Variants in DTWD2 observed in about 807,000 individuals in gnomAD.
DTWD2 encodes the protein DTW motif tRNA-uridine aminocarboxypropyltransferase 2.
In DTWD2, 39 loss-of-function variants were observed where a neutral mutation model predicts 31.8. That is an observed-to-expected ratio of 1.22 (90% CI 0.95 to 1.60). The LOEUF is 1.60. Ranked by LOEUF, DTWD2 falls within the 40% of genes most tolerant of loss-of-function variation. The pLI is 0.00. For synonymous variants in DTWD2, 180 were observed against 142.8 expected (o/e 1.26, Z -1.86); for missense variants, 515 against 381.5 (o/e 1.35, Z -2.92).
intron 4 of DTWD2, among the ~76,000 whole-genome samples, chr5:118,906,762 T>C (rs377664896): frequency 5.7e-4 from 87 of 152,314 alleles, no homozygotes; most frequent in African/African-American, 2.1e-3. Context: ...CTTCATTATC[T>C]TGATTGCATT....
chr5:118,934,809 A>G (rs1360934653), intron 3 of DTWD2, among the ~76,000 whole-genome samples: 1 of 152,164 alleles, frequency 6.6e-6, no homozygotes, highest in African/African-American at 2.4e-5. Flanking sequence ...AAAAACCAAG[A>G]CCCATACCAT....
intron 4 of DTWD2, among the ~76,000 whole-genome samples, chr5:118,889,514 T>C (rs1752935636): frequency 6.6e-6 from 1 of 152,032 alleles, no homozygotes; most frequent in Admixed American, 6.5e-5. Flanking sequence ...TTATCACATA[T>C]CTAACACGGG....
intron 1 of DTWD2, among the ~76,000 whole-genome samples, chr5:118,949,231 G>C (rs1217499349): frequency 6.6e-6 from 1 of 152,186 alleles, no homozygotes; most frequent in Non-Finnish European, 1.5e-5. Flanking sequence ...GAAACGGCTT[G>C]ACTGAAGTAA....
In DTWD2 at chr5:118,942,764, C is replaced by A. The variant is rs578009110; in HGVS notation, c.309+1795G>T. ...AAAAGGCACCATACTGTGTATACTG[C>A]AAAATGAACACAGTATTTGCCATCA... On this transcript the variant is annotated intron_variant, in intron 2 of 5. Transcript: ENST00000510708. Among the ~76,000 whole-genome samples the A allele has an allele frequency of 1.2e-4, 18 of 151,950 alleles. 1 individual carries two copies. The South Asian group carries it at 3.7e-3, about 32-fold the overall frequency.
intron 4 of DTWD2, among the ~76,000 whole-genome samples, chr5:118,850,480 A>T: frequency 1.1e-5 from 1 of 91,912 alleles, no homozygotes; most frequent in Non-Finnish European, 2.0e-5. Flanking sequence ...CCCACCACAA[A>T]AAAAAAAAAA....
chr5:118,917,531 G>A (rs757417895), intron 4 of DTWD2, among the ~76,000 whole-genome samples: 3 of 152,150 alleles, frequency 2.0e-5, no homozygotes, highest in Non-Finnish European at 4.4e-5. Flanking sequence ...AATTTATAAA[G>A]AAAATAGGTT....
chr5:118,951,714 G>C (rs1375065872), intron 1 of DTWD2, among the ~76,000 whole-genome samples: 1 of 152,130 alleles, frequency 6.6e-6, no homozygotes, highest in Middle Eastern at 3.2e-3. Flanking sequence ...GAGGGTGGAA[G>C]GTTGCCCATA....
At chr5:118,928,770 A>G (rs1753862179) in intron 3 of DTWD2, 41 bp from the exon 4 acceptor site, 1 of 1,437,356 alleles carries the variant, frequency 7.0e-7, no homozygotes, top group Non-Finnish European at 9.2e-7. Flanking sequence ...TTAGCTTGTG[A>G]GGAAAAAAGG....
intron 1 of DTWD2, among the ~76,000 whole-genome samples, chr5:118,970,389 G>A (rs776073858): frequency 2.6e-5 from 4 of 152,030 alleles, no homozygotes; most frequent in Non-Finnish European, 5.9e-5. Context: ...ATTGCACCAC[G>A]GCACTCCAGC....
intron 1 of DTWD2, among the ~76,000 whole-genome samples, chr5:118,969,031 T>C (rs1271115411): frequency 6.6e-6 from 1 of 152,136 alleles, no homozygotes; most frequent in Non-Finnish European, 1.5e-5. Context: ...GGAAGAGTTT[T>C]CCACAACACA....
chr5:118,982,554 C>T (rs1036024387), intron 1 of DTWD2, among the ~76,000 whole-genome samples: 1 of 151,868 alleles, frequency 6.6e-6, no homozygotes, highest in Admixed American at 6.6e-5. Flanking sequence ...AAAGAACAAA[C>T]TAATATAATA....
At chr5:118,898,658 CAAAAAA>C (rs200407705) in intron 4 of DTWD2, among the ~76,000 whole-genome samples, 1 of 82,312 alleles carries the variant, frequency 1.2e-5, no homozygotes, top group Admixed American at 1.4e-4. Context: ...GACTCCATCT[CAAAAAA>C]AAAAAAAAAA....
chr5:118,947,268 A>T (rs943500952), intron 1 of DTWD2, among the ~76,000 whole-genome samples: 1 of 152,154 alleles, frequency 6.6e-6, no homozygotes, highest in African/African-American at 2.4e-5. Flanking sequence ...TTTGCTGCCC[A>T]CACTGGTGGC....
chr5:118,851,777 C>A (rs1752012611), intron 4 of DTWD2, among the ~76,000 whole-genome samples: 1 of 148,560 alleles, frequency 6.7e-6, no homozygotes, highest in African/African-American at 2.5e-5. Flanking sequence ...CAACATGGCA[C>A]ATGTATACAT....
intron 1 of DTWD2, among the ~76,000 whole-genome samples, chr5:118,959,145 G>C (rs1395771706): frequency 2.6e-5 from 4 of 152,108 alleles, no homozygotes; most frequent in African/African-American, 7.2e-5. Flanking sequence ...AATAGGAAGA[G>C]AGAAAGTCAA....
At chr5:118,893,065 C>T (rs1051394515) in intron 4 of DTWD2, among the ~76,000 whole-genome samples, 2 of 151,422 alleles carry the variant, frequency 1.3e-5, no homozygotes, top group Admixed American at 6.6e-5. Flanking sequence ...CAGTACTGTA[C>T]TTCTATATAA....
At position 118,841,146 on chromosome 5, in the gene DTWD2, A is replaced by G. The variant is rs1751705040; in HGVS notation, c.727-59T>C. Reference sequence around the variant, plus strand: ...TGTGACAAATCATGATATTCTATCTATATTTTTCATTCAGAAATAGGAGTT... The same window carrying G: ...TGTGACAAATCATGATATTCTATCTGTATTTTTCATTCAGAAATAGGAGTT... On this transcript the variant is annotated intron_variant, in intron 5 of 5. Coordinates refer to ENST00000510708, the MANE Select transcript of DTWD2 (RefSeq NM_173666.4). The G allele has an allele frequency of 3.9e-6, 6 of 1,537,102 alleles. No homozygotes were observed. The South Asian group carries it at 7.4e-5, about 19-fold the overall frequency.
intron 1 of DTWD2, among the ~76,000 whole-genome samples, chr5:118,951,657 G>A (rs1052697115): frequency 2.6e-5 from 4 of 152,154 alleles, no homozygotes; most frequent in African/African-American, 9.7e-5. Flanking sequence ...AGTTGAAGAG[G>A]TTTTAAGTTT....
At chr5:118,921,595 A>G (rs565960144) in intron 4 of DTWD2, among the ~76,000 whole-genome samples, 139 of 152,288 alleles carry the variant, frequency 9.1e-4, no homozygotes, top group African/African-American at 3.1e-3. Context: ...GACCATGGGC[A>G]TTTTGAATTT....
Sources: gnomAD v4.1 joint callset for allele counts (sites outside exome capture counted in the v4.1 genomes callset) on GRCh38, gnomAD v4.1.1 for gene constraint, MANE v1.5 for transcripts, NCBI Gene and HGNC (gene_info 2026-07-23, HGNC 2026-07-21) for gene names.